ZBTB44: variants seen among roughly 807,000 people sequenced by gnomAD.
The protein encoded by ZBTB44 is zinc finger and BTB domain-containing protein 44.
A neutral mutation model predicts 54.0 loss-of-function variants in ZBTB44; 15 were observed. The observed-to-expected ratio is 0.28, with a 90% CI of 0.19 to 0.43. The LOEUF (loss-of-function observed/expected upper bound fraction) is 0.43, where lower values mean the gene tolerates loss of function less well. ZBTB44 is among the 20% of genes least tolerant of loss of function. The pLI is 1.00. For synonymous variants in ZBTB44, 230 were observed against 250.1 expected (o/e 0.92, Z 0.76); for missense variants, 487 against 707.1 (o/e 0.69, Z 3.53).
intron 3 of ZBTB44, 197 bp downstream of exon 3, chr11:130,239,615 T>C (rs978353729): frequency 9.4e-6 from 4 of 425,904 alleles, no homozygotes; most frequent in Non-Finnish European, 1.7e-5. Flanking sequence ...GACTAGGTAG[T>C]TTTGGAAATG....
chr11:130,274,613 AAT>A (rs1432760441), intron 1 of ZBTB44, among the ~76,000 whole-genome samples: 1 of 152,234 alleles, frequency 6.6e-6, no homozygotes, highest in Non-Finnish European at 1.5e-5. Flanking sequence ...CTATTGATAT[AAT>A]CATGTAATTT....
At chr11:130,292,336 TA>T (rs564978912) in intron 1 of ZBTB44, among the ~76,000 whole-genome samples, 1 of 152,060 alleles carries the variant, frequency 6.6e-6, no homozygotes, top group African/African-American at 2.4e-5. Context: ...AGTGATTCCA[TA>T]AAAAAAGTCA....
At position 130,261,927 on chromosome 11, in the gene ZBTB44, G is replaced by A. The variant is rs1470183605; in HGVS notation, c.-54C>T. ...TCAAGGATGCAAATAAATCAGAAAT[G>A]TCCTAAAAAATACATAAAATAAAGC... On this transcript the variant is annotated splice_region_variant and 5_prime_UTR_variant, in exon 2 of 8. Transcript: ENST00000357899. This position sits in a 1 kb window ranked among gnomAD's most constrained non-coding sequence, Gnocchi z 4.8. 1 of 1,493,018 alleles carries A rather than the reference G, an allele frequency of 6.7e-7. No homozygotes were observed. The highest frequency in any genetic ancestry group is 8.9e-7 in the Non-Finnish European group (1 of 1,122,328). 92.5% of individuals were successfully genotyped at this position (1,493,018 alleles called of 1,614,324 possible).
chr11:130,276,097 G>A (rs899765175), intron 1 of ZBTB44, among the ~76,000 whole-genome samples: 6 of 151,524 alleles, frequency 4.0e-5, no homozygotes, highest in Non-Finnish European at 5.9e-5. Context: ...ATGGTGGCAG[G>A]TGCCTATAAT....
chr11:130,234,932 A>C (rs904436911), intron 5 of ZBTB44, among the ~76,000 whole-genome samples: 4 of 152,224 alleles, frequency 2.6e-5, no homozygotes, highest in African/African-American at 9.6e-5. Flanking sequence ...TATACTAAAA[A>C]CAGTGGCTAC....
chr11:130,302,503 G>A (rs555370671), intron 1 of ZBTB44, among the ~76,000 whole-genome samples: 5 of 152,234 alleles, frequency 3.3e-5, no homozygotes, highest in South Asian at 2.1e-4. Context: ...AAAAGAAACC[G>A]TCCTGATTCA....
In ZBTB44 at chr11:130,228,957, GT is replaced by G. The variant is rs1953779845; in HGVS notation, c.*2806del. ...TTGAACAAAAACTAAAAATTTTAAA[GT>G]TAAAAAAAGTTTTGTTTTTAATCCG... is the stretch of plus-strand genomic sequence containing the variant. On this transcript the variant is annotated 3_prime_UTR_variant, in exon 8 of 8. Transcript: ENST00000357899. 2 of 152,066 alleles carry G rather than the reference GT, an allele frequency of 1.3e-5. No individual in the cohort carries two copies. Among genetic ancestry groups the G allele is most frequent in the Admixed American group, 6.6e-5 (1 of 15,254 alleles). 9.4% of individuals were successfully genotyped at this position (152,066 alleles called of 1,614,324 possible). A position where few individuals can be genotyped will look rare whatever the true frequency, so the allele number is the denominator to read the frequency against.
In ZBTB44 at chr11:130,290,967, ACT is replaced by A. The variant is rs201109682; in HGVS notation, c.-57+23406_-57+23407del. On this transcript the variant is annotated intron_variant, in intron 1 of 7. Transcript: ENST00000357899. The stretch of plus-strand genomic sequence containing the variant: ...TCTCCCTCCCTGCTCTGCAAAATGA[ACT>A]CTTTGCCCTAAACTGCTTTTGACTC... Among the ~76,000 whole-genome samples, 1,316 of 151,978 alleles carry A rather than the reference ACT, an allele frequency of 8.7e-3. 9 individuals carry two copies. The highest frequency in any genetic ancestry group is 0.022 in the African/African-American group (892 of 41,446).
At chr11:130,313,908 GTGTGTGTGTGTGTGTA>G (rs1337302986) in intron 1 of ZBTB44, among the ~76,000 whole-genome samples, 1 of 28,378 alleles carries the variant, frequency 3.5e-5, no homozygotes, top group African/African-American at 5.4e-5. Context: ...AGGAAAAGAG[GTGTGTGTGTGTGTGTA>G]TGTGTGTGTG....
intron 1 of ZBTB44, among the ~76,000 whole-genome samples, chr11:130,272,287 T>C (rs865938837): frequency 2.0e-5 from 3 of 152,326 alleles, no homozygotes; most frequent in Middle Eastern, 6.8e-3. Flanking sequence ...CCAACACTTA[T>C]GATTCAACTT....
intron 5 of ZBTB44, among the ~76,000 whole-genome samples, chr11:130,235,115 T>C (rs1264727004): frequency 6.6e-6 from 1 of 152,230 alleles, no homozygotes; most frequent in African/African-American, 2.4e-5. Context: ...AACTTCATTA[T>C]ACCATAATTG....
At chr11:130,274,313 A>G (rs1939897264) in intron 1 of ZBTB44, among the ~76,000 whole-genome samples, 1 of 152,166 alleles carries the variant, frequency 6.6e-6, no homozygotes, top group Non-Finnish European at 1.5e-5. Context: ...GGTCATCTGA[A>G]AACAGTCTTA....
At chr11:130,249,896 G>A (rs545885081) in intron 2 of ZBTB44, among the ~76,000 whole-genome samples, 4 of 152,284 alleles carry the variant, frequency 2.6e-5, no homozygotes, top group African/African-American at 9.6e-5. Flanking sequence ...GAACCACAGT[G>A]AGACAGAACC....
At chr11:130,250,722 T>TAAAATC (rs1937928870) in intron 2 of ZBTB44, among the ~76,000 whole-genome samples, 1 of 151,768 alleles carries the variant, frequency 6.6e-6, no homozygotes, top group Admixed American at 6.6e-5. Context: ...CAAAAAGCAA[T>TAAAATC]AACATCAACA....
chr11:130,282,049 T>C (rs1940568657), intron 1 of ZBTB44, among the ~76,000 whole-genome samples: 1 of 152,170 alleles, frequency 6.6e-6, no homozygotes, highest in African/African-American at 2.4e-5. Context: ...AGACCCAATT[T>C]CTTAAAATGA....
intron 3 of ZBTB44, 93 bp from the exon 4 acceptor site, chr11:130,238,700 A>C: frequency 2.4e-6 from 3 of 1,258,370 alleles, no homozygotes; most frequent in Non-Finnish European, 3.1e-6. Flanking sequence ...AAAAGATAAA[A>C]CACTTAAAGA....
chr11:130,250,912 G>A lies in ZBTB44; in HGVS notation c.1018+9944C>T, dbSNP rs778629953. On this transcript the variant is annotated intron_variant, in intron 2 of 7. Coordinates refer to ENST00000357899, the MANE Select transcript of ZBTB44 (RefSeq NM_001301098.2). ...CAAATGACTGCAACTCCTCTCCAGC[G>A]AGGGCACAACACTGGACAGAGAATG... 5.3e-5 allele frequency among the ~76,000 whole-genome samples: 8 copies of A among 152,238 alleles called. No homozygotes were observed. The South Asian group carries it at 6.2e-4, about 12-fold the overall frequency.
intron 1 of ZBTB44, among the ~76,000 whole-genome samples, chr11:130,278,335 T>A (rs114428560): frequency 3.3e-5 from 5 of 152,210 alleles, no homozygotes; most frequent in Admixed American, 1.3e-4. Flanking sequence ...GAATACCACA[T>A]TGAAAGTGAA....
intron 1 of ZBTB44, among the ~76,000 whole-genome samples, chr11:130,292,471 TAA>T: frequency 6.6e-6 from 1 of 152,076 alleles, no homozygotes; most frequent in South Asian, 2.1e-4. Flanking sequence ...TATAACTGCC[TAA>T]AAGAGTACAT....
Sources: gnomAD v4.1 joint callset for allele counts (sites outside exome capture counted in the v4.1 genomes callset) on GRCh38, gnomAD v4.1.1 for gene constraint, Gnocchi (gnomAD v3.1) non-coding constraint, MANE v1.5 for transcripts, NCBI Gene and HGNC (gene_info 2026-07-23, HGNC 2026-07-21) for gene names.